The following GRID1 variants were observed in gnomAD, a reference collection of about 807,000 sequenced individuals.
GRID1 encodes glutamate receptor ionotropic, delta-1.
In GRID1, 28 loss-of-function variants were observed where a neutral mutation model predicts 98.0. The observed-to-expected ratio is 0.29, with a 90% CI of 0.21 to 0.39. The LOEUF is 0.39. Among genes scored for constraint, GRID1 ranks in the 10% least tolerant of loss-of-function variants. The pLI, the probability that GRID1 is intolerant of heterozygous loss-of-function variation, is 1.00. For synonymous variants in GRID1, 553 were observed against 538.5 expected (o/e 1.03, Z -0.37); for missense variants, 1,111 against 1,340.5 (o/e 0.83, Z 2.67).
intron 12 of GRID1, among the ~76,000 whole-genome samples, chr10:85,701,480 CA>C (rs1267558676): frequency 6.6e-6 from 1 of 152,000 alleles, no homozygotes; most frequent in African/African-American, 2.4e-5. Flanking sequence ...GTCACTGGGG[CA>C]AAAAACTCAA....
chr10:86,347,928 A>G (rs974948486), intron 2 of GRID1, among the ~76,000 whole-genome samples: 4 of 152,314 alleles, frequency 2.6e-5, no homozygotes, highest in Admixed American at 1.3e-4. Flanking sequence ...CATGAGAGGC[A>G]GAAACCCCTA....
chr10:85,699,070 T>C (rs1333744237), intron 12 of GRID1, among the ~76,000 whole-genome samples: 2 of 152,122 alleles, frequency 1.3e-5, no homozygotes, highest in African/African-American at 2.4e-5. Flanking sequence ...TTTGTTTTTT[T>C]GAGATAGAGT....
At chr10:86,331,400 G>C (rs1351851211) in intron 2 of GRID1, among the ~76,000 whole-genome samples, 1 of 152,148 alleles carries the variant, frequency 6.6e-6, no homozygotes, top group Non-Finnish European at 1.5e-5. Flanking sequence ...CTGAGCCTGA[G>C]CAGCTCCGTG....
At chr10:85,743,115 C>CCCCA (rs1405344655) in intron 8 of GRID1, among the ~76,000 whole-genome samples, 1 of 133,796 alleles carries the variant, frequency 7.5e-6, no homozygotes. Context: ...GCCCCCCCCC[C>CCCCA]CACCACCCAT....
At chr10:86,126,562 C>G (rs7081085) in intron 4 of GRID1, among the ~76,000 whole-genome samples, 133,080 of 152,316 alleles carry the variant, frequency 0.87, 58,460 homozygotes, top group East Asian at 1. Context: ...GAACAGGGCT[C>G]GCTTCACACT....
chr10:85,755,839 C>G (rs1289171151), intron 8 of GRID1, among the ~76,000 whole-genome samples: 4 of 152,076 alleles, frequency 2.6e-5, no homozygotes, highest in African/African-American at 9.6e-5. Flanking sequence ...GACCCCTGAA[C>G]TTCCCTCATC....
chr10:86,108,043 G>A (rs1844419424), intron 4 of GRID1, among the ~76,000 whole-genome samples: 1 of 152,164 alleles, frequency 6.6e-6, no homozygotes, highest in Non-Finnish European at 1.5e-5. Context: ...AATTGAGCTG[G>A]TTAACACAAG....
intron 4 of GRID1, among the ~76,000 whole-genome samples, chr10:86,095,542 G>T (rs578240170): frequency 5.3e-5 from 8 of 152,104 alleles, no homozygotes; most frequent in Admixed American, 5.2e-4. Context: ...CAAAAAGTGG[G>T]CTAAAGACAT....
At chr10:86,303,460 C>T (rs983169925) in intron 2 of GRID1, among the ~76,000 whole-genome samples, 1 of 152,050 alleles carries the variant, frequency 6.6e-6, no homozygotes, top group Non-Finnish European at 1.5e-5. Flanking sequence ...AGAGACTGTG[C>T]TCAGCAGGAA....
intron 4 of GRID1, among the ~76,000 whole-genome samples, chr10:85,946,382 C>G (rs1842053753): frequency 6.6e-6 from 1 of 152,122 alleles, no homozygotes; most frequent in Admixed American, 6.5e-5. Flanking sequence ...TCCATTCGAC[C>G]CAAGTGTCAA....
At position 86,332,136 on chromosome 10, in the gene GRID1, C is replaced by T. The variant is rs547189287; in HGVS notation, c.235+31805G>A. 2.0e-5 allele frequency among the ~76,000 whole-genome samples: 3 copies of T among 152,332 alleles called. No individual in the cohort carries two copies. The South Asian group carries it at 6.2e-4, about 32-fold the overall frequency. On this transcript the variant is annotated intron_variant, in intron 2 of 15. Coordinates refer to ENST00000327946, the MANE Select transcript of GRID1 (RefSeq NM_017551.3). ...GACTTCCCCGAGGTCATGCAGCTGGCCAATGGCAGGGTGGGGCCCAGAGGG... is the reference window on the plus strand; with the variant it reads ...GACTTCCCCGAGGTCATGCAGCTGGTCAATGGCAGGGTGGGGCCCAGAGGG...
At chr10:86,077,330 C>T (rs1010431252) in intron 4 of GRID1, among the ~76,000 whole-genome samples, 3 of 152,202 alleles carry the variant, frequency 2.0e-5, no homozygotes, top group African/African-American at 7.2e-5. Flanking sequence ...CTCCAAAGCC[C>T]TTCCTGATCT....
intron 4 of GRID1, among the ~76,000 whole-genome samples, chr10:86,057,253 G>A (rs1269647339): frequency 6.6e-6 from 1 of 152,190 alleles, no homozygotes; most frequent in Non-Finnish European, 1.5e-5. Flanking sequence ...GATCCCTCCT[G>A]CAGTCACTTC....
chr10:85,604,334 T>C (rs1443689712), intron 15 of GRID1, among the ~76,000 whole-genome samples: 3 of 152,194 alleles, frequency 2.0e-5, no homozygotes, highest in Admixed American at 6.5e-5. Context: ...TGACAAGTCA[T>C]TCCAGGGCAG....
intron 13 of GRID1, among the ~76,000 whole-genome samples, chr10:85,636,813 G>A (rs1843049628): frequency 6.6e-6 from 1 of 152,106 alleles, no homozygotes; most frequent in Admixed American, 6.5e-5. Context: ...CCCTGCTTTT[G>A]GTGATATTCA....
intron 12 of GRID1, among the ~76,000 whole-genome samples, chr10:85,679,526 TTG>T (rs1302471518): frequency 6.6e-6 from 1 of 152,102 alleles, no homozygotes; most frequent in Non-Finnish European, 1.5e-5. Context: ...GAGGGAACAA[TTG>T]AATTGACACT....
At chr10:86,116,623 A>T (rs929498110) in intron 4 of GRID1, among the ~76,000 whole-genome samples, 1 of 152,174 alleles carries the variant, frequency 6.6e-6, no homozygotes, top group Non-Finnish European at 1.5e-5. Flanking sequence ...TGAGCCCTAG[A>T]TCTGACACAC....
At chr10:86,307,298 T>A (rs1352866824) in intron 2 of GRID1, among the ~76,000 whole-genome samples, 1 of 152,166 alleles carries the variant, frequency 6.6e-6, no homozygotes, top group Non-Finnish European at 1.5e-5. Flanking sequence ...ACAGCCTAAG[T>A]GGCCATCAAT....
At chr10:85,963,165 G>A (rs547326163) in intron 4 of GRID1, among the ~76,000 whole-genome samples, 2 of 152,102 alleles carry the variant, frequency 1.3e-5, no homozygotes, top group African/African-American at 4.8e-5. Context: ...AACTTAGAAG[G>A]CTCATGGCTT....
Sources: gnomAD v4.1 joint callset for allele counts (sites outside exome capture counted in the v4.1 genomes callset) on GRCh38, gnomAD v4.1.1 for gene constraint, MANE v1.5 for transcripts, NCBI Gene and HGNC (gene_info 2026-07-23, HGNC 2026-07-21) for gene names.